Variants in THSD7B observed in about 807,000 individuals in gnomAD.
The protein encoded by THSD7B is thrombospondin type-1 domain-containing protein 7B.
Under a neutral mutation model 213.6 loss-of-function variants are expected in THSD7B, and 138 were observed. That is an observed-to-expected ratio of 0.65 (90% confidence interval 0.56 to 0.74). The LOEUF is 0.74. Among genes scored for constraint, THSD7B ranks in the 30% least tolerant of loss-of-function variants. The probability of loss-of-function intolerance (pLI) is 0.00; values close to 1 mark genes in which losing one functional copy is unlikely to be tolerated. For synonymous variants in THSD7B, 742 were observed against 687.0 expected (o/e 1.08, Z -1.25); for missense variants, 1,931 against 1,991.5 (o/e 0.97, Z 0.58).
chr2:137,614,215 C>T (rs1430798981), intron 17 of THSD7B, among the ~76,000 whole-genome samples: 1 of 152,114 alleles, frequency 6.6e-6, no homozygotes, highest in Non-Finnish European at 1.5e-5. Context: ...ACCCATCAGA[C>T]TTATACACAT....
intron 15 of THSD7B, among the ~76,000 whole-genome samples, chr2:137,462,348 T>G (rs1272503625): frequency 6.6e-6 from 1 of 152,072 alleles, no homozygotes; most frequent in Non-Finnish European, 1.5e-5. Context: ...TGTAACAGCA[T>G]TCACTCACTC....
At chr2:137,412,993 G>A (rs904704532) in intron 14 of THSD7B, among the ~76,000 whole-genome samples, 14 of 151,222 alleles carry the variant, frequency 9.3e-5, no homozygotes, top group Admixed American at 5.9e-4. Flanking sequence ...ACTAATAAAC[G>A]TTCTCAGTAA....
intron 12 of THSD7B, among the ~76,000 whole-genome samples, chr2:137,383,693 G>A (rs1685829110): frequency 6.6e-6 from 1 of 152,146 alleles, no homozygotes; most frequent in Non-Finnish European, 1.5e-5. Context: ...TGCTAACACT[G>A]TACATATGGC....
intron 7 of THSD7B, among the ~76,000 whole-genome samples, chr2:137,228,993 G>A (rs1681578619): frequency 6.6e-6 from 1 of 152,170 alleles, no homozygotes; most frequent in African/African-American, 2.4e-5. Context: ...AGATAGAGAT[G>A]CTCTTCCAAA....
intron 16 of THSD7B, among the ~76,000 whole-genome samples, chr2:137,564,103 A>G (rs1375364): frequency 0.26 from 39,670 of 152,116 alleles, 5,264 homozygotes; most frequent in Middle Eastern, 0.36. Context: ...AATAAATAAG[A>G]AGCATAACTT....
intron 15 of THSD7B, among the ~76,000 whole-genome samples, chr2:137,525,753 G>A (rs1409923713): frequency 1.3e-5 from 2 of 152,164 alleles, no homozygotes; most frequent in Admixed American, 1.3e-4. Flanking sequence ...AGATCAAAGA[G>A]CTGCTGGTGA....
intron 19 of THSD7B, among the ~76,000 whole-genome samples, chr2:137,619,343 AAAAC>A (rs1329396351): frequency 1.3e-5 from 2 of 152,236 alleles, no homozygotes; most frequent in Non-Finnish European, 2.9e-5. Flanking sequence ...GAATTAAAAC[AAAAC>A]AAACCTCTGT....
chr2:137,017,701 C>T (rs542310802), intron 2 of THSD7B, among the ~76,000 whole-genome samples: 1 of 152,226 alleles, frequency 6.6e-6, no homozygotes, highest in African/African-American at 2.4e-5. Flanking sequence ...CTTCATTAGT[C>T]CCTCAGGAAT....
chr2:137,400,181 G>A (rs1231405740), intron 12 of THSD7B, among the ~76,000 whole-genome samples: 1 of 151,884 alleles, frequency 6.6e-6, no homozygotes, highest in Admixed American at 6.6e-5. Context: ...CTTGCATTGG[G>A]CTTCTCTAAA....
intron 6 of THSD7B, among the ~76,000 whole-genome samples, chr2:137,160,843 C>T (rs963128927): frequency 6.6e-6 from 1 of 152,052 alleles, no homozygotes; most frequent in African/African-American, 2.4e-5. Flanking sequence ...AGGCTGGTCT[C>T]GAACTCCTGA....
intron 20 of THSD7B, among the ~76,000 whole-genome samples, chr2:137,633,278 A>G (rs927610841): frequency 6.6e-5 from 10 of 152,220 alleles, no homozygotes; most frequent in African/African-American, 2.4e-4. Flanking sequence ...AGCATTTTAT[A>G]CACAACCTGA....
chr2:137,628,968 C>T (rs1255171906), intron 20 of THSD7B, among the ~76,000 whole-genome samples: 1 of 152,326 alleles, frequency 6.6e-6, no homozygotes, highest in East Asian at 1.9e-4. Context: ...CTGCCTCCTA[C>T]GATTTTTATC....
chr2:137,068,727 T>C (rs1407902650), intron 3 of THSD7B, among the ~76,000 whole-genome samples: 1 of 152,104 alleles, frequency 6.6e-6, no homozygotes, highest in Non-Finnish European at 1.5e-5. Context: ...TTTACTCTGT[T>C]CATATGCCTA....
chr2:137,215,572 C>T (rs1445541395), intron 7 of THSD7B, among the ~76,000 whole-genome samples: 5 of 152,068 alleles, frequency 3.3e-5, no homozygotes, highest in African/African-American at 4.8e-5. Context: ...CACTATAGTA[C>T]ATTTTAAAAT....
At chr2:137,675,402 C>T (rs1385965885) in intron 27 of THSD7B, among the ~76,000 whole-genome samples, 1 of 83,784 alleles carries the variant, frequency 1.2e-5, no homozygotes, top group African/African-American at 5.3e-5. Flanking sequence ...TAAATGAATG[C>T]CATATATATA....
At chr2:137,588,599 A>G (rs1182314908) in intron 17 of THSD7B, among the ~76,000 whole-genome samples, 1 of 151,934 alleles carries the variant, frequency 6.6e-6, no homozygotes, top group East Asian at 1.9e-4. Flanking sequence ...TAGATTTAAA[A>G]AGATCCATTG....
chr2:136,842,180 T>C (rs1682930590), intron 1 of THSD7B, among the ~76,000 whole-genome samples: 1 of 152,240 alleles, frequency 6.6e-6, no homozygotes, highest in Non-Finnish European at 1.5e-5. Context: ...TTCATCTGAA[T>C]GATTTCTGTG....
chr2:137,243,728 T>A (rs1405084653), intron 10 of THSD7B, among the ~76,000 whole-genome samples: 2 of 152,226 alleles, frequency 1.3e-5, no homozygotes, highest in Non-Finnish European at 2.9e-5. Context: ...TCTCAGTGAT[T>A]GAAAACAGAG....
chr2:136,868,019 G>A (rs529720544), intron 1 of THSD7B, among the ~76,000 whole-genome samples: 7 of 152,158 alleles, frequency 4.6e-5, no homozygotes, highest in African/African-American at 1.7e-4. Flanking sequence ...TTTAAGATGG[G>A]AAGTGGTAAA....
Sources: allele counts gnomAD v4.1 joint callset (sites outside exome capture counted in the v4.1 genomes callset), GRCh38; gene constraint gnomAD v4.1.1; transcripts MANE v1.5; gene names NCBI Gene and HGNC (gene_info 2026-07-23, HGNC 2026-07-21).